The following GRIN3A variants were observed in gnomAD, a reference collection of about 807,000 sequenced individuals.
GRIN3A encodes the protein glutamate receptor ionotropic, NMDA 3A.
Under a neutral mutation model 92.4 loss-of-function variants are expected in GRIN3A, and 47 were observed. That is an observed-to-expected ratio of 0.51 (90% CI 0.40 to 0.65). GRIN3A has a LOEUF of 0.65. Ranked by LOEUF, GRIN3A falls within the 30% of genes least tolerant of loss-of-function variation. GRIN3A has a pLI of 0.00. For missense variants in GRIN3A, 1,324 were observed against 1,393.1 expected (o/e 0.95, Z 0.79); for synonymous variants, 527 against 540.6 (o/e 0.97, Z 0.35).
chr9:101,700,034 C>T (rs1374353831), intron 1 of GRIN3A, among the ~76,000 whole-genome samples: 1 of 152,170 alleles, frequency 6.6e-6, no homozygotes, highest in Non-Finnish European at 1.5e-5. Flanking sequence ...ACCTGTCTCT[C>T]TTCATCTTCT....
chr9:101,591,542 A>G (rs1020186513), intron 6 of GRIN3A: 1 of 152,204 alleles, frequency 6.6e-6, no homozygotes, highest in African/African-American at 2.4e-5. Flanking sequence ...AAATAATGGC[A>G]CCAGACTCAC....
At position 101,572,953 on chromosome 9, in the gene GRIN3A, A is replaced by G. The variant is rs1305501441; in HGVS notation, c.*221T>C. 2 of 566,996 alleles carry G rather than the reference A, an allele frequency of 3.5e-6. No homozygotes were observed. Among genetic ancestry groups the G allele is most frequent in the Non-Finnish European group, 6.3e-6 (2 of 315,656 alleles). The allele number at this position is 566,996 out of a possible 1,614,324, so 35.1% of individuals were successfully genotyped here. A position where few individuals can be genotyped will look rare whatever the true frequency, so the allele number is the denominator to read the frequency against. On this transcript the variant is annotated 3_prime_UTR_variant, in exon 9 of 9. Coordinates refer to ENST00000361820, the MANE Select transcript of GRIN3A (RefSeq NM_133445.3). ...TCTCGCACAGAGCTTACTCCTGACT[A>G]AGATTCTTGCTAGAAAAACACTCCT...
At chr9:101,630,287 G>A (rs987582113) in intron 3 of GRIN3A, among the ~76,000 whole-genome samples, 2 of 151,926 alleles carry the variant, frequency 1.3e-5, no homozygotes, top group African/African-American at 4.8e-5. Flanking sequence ...GAAGCCTTTG[G>A]TCTTGTCTAG....
intron 6 of GRIN3A, among the ~76,000 whole-genome samples, chr9:101,582,252 C>G (rs771203542): frequency 6.6e-6 from 1 of 152,094 alleles, no homozygotes; most frequent in Non-Finnish European, 1.5e-5. Context: ...AAGAAAAGGT[C>G]GGAGATTTCA....
intron 1 of GRIN3A, among the ~76,000 whole-genome samples, chr9:101,699,615 A>G (rs1454815593): frequency 1.3e-5 from 2 of 152,118 alleles, no homozygotes; most frequent in Admixed American, 6.6e-5. Context: ...GATTTATTTT[A>G]TATCTTTCTT....
chr9:101,664,762 G>A (rs1247106787), intron 3 of GRIN3A, among the ~76,000 whole-genome samples: 2 of 151,860 alleles, frequency 1.3e-5, no homozygotes, highest in East Asian at 3.9e-4. Context: ...CCCTAAAATG[G>A]TGATAAAATA....
intron 5 of GRIN3A, among the ~76,000 whole-genome samples, chr9:101,618,244 A>G (rs1253064864): frequency 8.3e-6 from 1 of 120,942 alleles, no homozygotes; most frequent in East Asian, 2.0e-4. Flanking sequence ...CATCAGAGTG[A>G]CAGAGTGAAC....
At chr9:101,680,220 A>G (rs1337365973) in intron 2 of GRIN3A, among the ~76,000 whole-genome samples, 3 of 152,222 alleles carry the variant, frequency 2.0e-5, no homozygotes, top group Admixed American at 6.5e-5. Context: ...AATATCCAAA[A>G]TTAGAATTAT....
rs187056398 is a variant in GRIN3A at position 101,727,263 on chromosome 9, A to G, written c.699+10018T>C. Among the ~76,000 whole-genome samples the G allele has an allele frequency of 2.4e-3, 367 of 152,388 alleles. 1 individual carries two copies. Among genetic ancestry groups the G allele is most frequent in the African/African-American group, 8.0e-3 (334 of 41,602 alleles). On this transcript the variant is annotated intron_variant, in intron 1 of 8. Coordinates refer to ENST00000361820, the MANE Select transcript of GRIN3A (RefSeq NM_133445.3). ...ATATTTGCGATATGAGAAGCGGTTT[A>G]TAATGTATGAATATGTTAGGGAAAT...
intron 1 of GRIN3A, among the ~76,000 whole-genome samples, chr9:101,708,122 A>C (rs1205785437): frequency 6.6e-6 from 1 of 152,212 alleles, no homozygotes; most frequent in Non-Finnish European, 1.5e-5. Context: ...AAGAGTGCAA[A>C]ATGAGTTAGT....
chr9:101,722,997 G>A (rs1830033242), intron 1 of GRIN3A, among the ~76,000 whole-genome samples: 2 of 152,206 alleles, frequency 1.3e-5, no homozygotes, highest in Non-Finnish European at 2.9e-5. Flanking sequence ...ATACGGTTTG[G>A]CTGTGTCCCC....
At chr9:101,643,053 C>G (rs1372410622) in intron 3 of GRIN3A, among the ~76,000 whole-genome samples, 2 of 151,840 alleles carry the variant, frequency 1.3e-5, no homozygotes, top group African/African-American at 4.8e-5. Context: ...TTGAATCATC[C>G]CAAAACCATC....
At chr9:101,643,318 A>T (rs1480586885) in intron 3 of GRIN3A, among the ~76,000 whole-genome samples, 4 of 152,198 alleles carry the variant, frequency 2.6e-5, no homozygotes, top group Admixed American at 2.6e-4. Flanking sequence ...ATCACTAATC[A>T]TCAGGAAAAC....
intron 6 of GRIN3A, among the ~76,000 whole-genome samples, chr9:101,600,529 T>A (rs1425387953): frequency 6.6e-6 from 1 of 152,022 alleles, no homozygotes; most frequent in Admixed American, 6.6e-5. Flanking sequence ...CCAGGAGAGT[T>A]TGGACAACAG....
At chr9:101,604,153 A>G (rs1828246137) in intron 6 of GRIN3A, among the ~76,000 whole-genome samples, 1 of 152,128 alleles carries the variant, frequency 6.6e-6, no homozygotes, top group Admixed American at 6.6e-5. Flanking sequence ...GGGAGAAAGG[A>G]AGAGAAAGAA....
At chr9:101,635,474 T>C (rs188718494) in intron 3 of GRIN3A, among the ~76,000 whole-genome samples, 372 of 152,356 alleles carry the variant, frequency 2.4e-3, no homozygotes, top group African/African-American at 7.9e-3. Flanking sequence ...TCCCCTGATA[T>C]AGACAATTTG....
chr9:101,662,775 T>C (rs866174801), intron 3 of GRIN3A, among the ~76,000 whole-genome samples: 25 of 151,810 alleles, frequency 1.6e-4, no homozygotes, highest in Admixed American at 2.0e-4. Flanking sequence ...ATCCCAACTA[T>C]CTTTTATGTG....
rs948315240 is a variant in GRIN3A, at chr9:101,570,201, C to T, written c.*2973G>A. 27 of 152,150 alleles carry T rather than the reference C, an allele frequency of 1.8e-4. No individual in the cohort carries two copies. The highest frequency in any genetic ancestry group is 4.8e-4 in the African/African-American group (20 of 41,434). 9.4% of individuals were successfully genotyped at this position (152,150 alleles called of 1,614,324 possible). A position where few individuals can be genotyped will look rare whatever the true frequency, so the allele number is the denominator to read the frequency against. ...ATTTACACGAACCAGGTAGCTATAT[C>T]TGTTCCAGCTCATCTGAGCATGCTT... On this transcript the variant is annotated 3_prime_UTR_variant, in exon 9 of 9. Transcript: ENST00000361820.
chr9:101,655,765 G>C (rs1369589768), intron 3 of GRIN3A, among the ~76,000 whole-genome samples: 1 of 151,964 alleles, frequency 6.6e-6, no homozygotes, highest in Non-Finnish European at 1.5e-5. Flanking sequence ...GGGAGGCAAT[G>C]AAGGACTTTA....
Sources: allele counts gnomAD v4.1 joint callset (sites outside exome capture counted in the v4.1 genomes callset), GRCh38; gene constraint gnomAD v4.1.1; transcripts MANE v1.5; gene names NCBI Gene and HGNC (gene_info 2026-07-23, HGNC 2026-07-21).